DOK6: variants seen among roughly 807,000 people sequenced by gnomAD.
DOK6 encodes the protein downstream of tyrosine kinase 6.
In DOK6, 22 loss-of-function variants were observed where a neutral mutation model predicts 44.0. The observed-to-expected ratio is 0.50, with a 90% CI of 0.36 to 0.71. The LOEUF (loss-of-function observed/expected upper bound fraction) is 0.71. Among genes scored for constraint, DOK6 ranks in the 30% least tolerant of loss-of-function variants. The pLI, the probability that DOK6 is intolerant of heterozygous loss-of-function variation, is 0.00. For synonymous variants in DOK6, 166 were observed against 145.5 expected, an observed-to-expected ratio of 1.14 and a Z score of -1.01; for missense variants, 340 against 416.4, an observed-to-expected ratio of 0.82 and a Z score of 1.60.
chr18:69,775,293 A>G (rs1251553295), intron 7 of DOK6, among the ~76,000 whole-genome samples: 2 of 152,014 alleles, frequency 1.3e-5, no homozygotes, highest in Admixed American at 6.6e-5. Context: ...TGAACTCACA[A>G]AGAAGAACTG....
intron 7 of DOK6, among the ~76,000 whole-genome samples, chr18:69,798,768 TG>T (rs1980820144): frequency 6.6e-6 from 1 of 151,730 alleles, no homozygotes; most frequent in East Asian, 1.9e-4. Context: ...TAGAAATAAA[TG>T]TTCTGCATAT....
chr18:69,763,568 C>T (rs192469969), intron 7 of DOK6, among the ~76,000 whole-genome samples: 147 of 151,856 alleles, frequency 9.7e-4, no homozygotes, highest in African/African-American at 3.3e-3. Flanking sequence ...CCCTGAGGAA[C>T]AATCATTTAA....
chr18:69,612,428 C>G (rs1568311239), intron 3 of DOK6, among the ~76,000 whole-genome samples: 1 of 150,558 alleles, frequency 6.6e-6, no homozygotes, highest in African/African-American at 2.4e-5. Flanking sequence ...TGTGCGAGGG[C>G]GCATGTGTGC....
chr18:69,639,486 C>T (rs17777598), intron 3 of DOK6, among the ~76,000 whole-genome samples: 10,631 of 152,218 alleles, frequency 0.07, 428 homozygotes, highest in Admixed American at 0.1. Context: ...TAAAGTCTTT[C>T]CCAGTTTTCC....
intron 1 of DOK6, among the ~76,000 whole-genome samples, chr18:69,455,583 G>C (rs1055993458): frequency 3.3e-4 from 50 of 152,138 alleles, no homozygotes; most frequent in African/African-American, 1.1e-3. Flanking sequence ...CATTGAAATT[G>C]TGTGGAGTCA....
intron 3 of DOK6, among the ~76,000 whole-genome samples, chr18:69,663,866 C>A (rs533365630): frequency 6.6e-4 from 100 of 152,172 alleles, no homozygotes; most frequent in African/African-American, 2.3e-3. Context: ...CAAGTGGTAG[C>A]TTTAGAGGGC....
At chr18:69,659,833 T>TAG (rs1239100373) in intron 3 of DOK6, 1 of 57,692 alleles carries the variant, frequency 1.7e-5, no homozygotes, top group Non-Finnish European at 3.7e-5. Flanking sequence ...TATATATATA[T>TAG]ATAACATATA....
At chr18:69,556,433 T>G (rs17775027) in intron 1 of DOK6, among the ~76,000 whole-genome samples, 5,531 of 152,148 alleles carry the variant, frequency 0.036, 100 homozygotes, top group South Asian at 0.044. Flanking sequence ...TGTTCCCTTC[T>G]CCATCCTTGT....
intron 3 of DOK6, among the ~76,000 whole-genome samples, chr18:69,602,666 A>C (rs1401784859): frequency 6.6e-6 from 1 of 152,232 alleles, no homozygotes; most frequent in East Asian, 1.9e-4. Context: ...GATATAGGCT[A>C]TATAGGAACT....
intron 1 of DOK6, among the ~76,000 whole-genome samples, chr18:69,406,201 A>G (rs1197681037): frequency 1.3e-5 from 2 of 152,184 alleles, no homozygotes; most frequent in Non-Finnish European, 2.9e-5. Flanking sequence ...GTAAGCAAAG[A>G]TCTTATATAT....
chr18:69,515,972 CTG>C (rs1448990727), intron 1 of DOK6, among the ~76,000 whole-genome samples: 1 of 152,206 alleles, frequency 6.6e-6, no homozygotes, highest in African/African-American at 2.4e-5. Context: ...GATATTCACA[CTG>C]TTTTGATTTC....
rs995634411 is a variant in DOK6 at position 69,510,522 on chromosome 18, A to G, written c.67-53965A>G. 2.8e-5 allele frequency among the ~76,000 whole-genome samples: 4 copies of G among 141,882 alleles called. No homozygotes were observed. The South Asian group carries it at 8.5e-4, about 30-fold the overall frequency. 93.1% of individuals were successfully genotyped at this position (141,882 alleles called of 152,430 possible). A position where few individuals can be genotyped will look rare whatever the true frequency, so the allele number is the denominator to read the frequency against. On this transcript the variant is annotated intron_variant, in intron 1 of 7. Transcript: ENST00000382713. Reference sequence around the variant, plus strand: ...GTTGTTTAGCTTATTACATTTAAATACCAAACAGAGCGCCAAATGTTTTTA... The same window carrying G: ...GTTGTTTAGCTTATTACATTTAAATGCCAAACAGAGCGCCAAATGTTTTTA...
intron 1 of DOK6, among the ~76,000 whole-genome samples, chr18:69,518,322 GCT>G (rs1233897798): frequency 1.3e-5 from 2 of 150,138 alleles, no homozygotes; most frequent in Non-Finnish European, 3.0e-5. Context: ...TCCTTCTTCT[GCT>G]CTTTCCTTTT....
At chr18:69,433,314 A>C (rs1178121331) in intron 1 of DOK6, among the ~76,000 whole-genome samples, 1 of 152,178 alleles carries the variant, frequency 6.6e-6, no homozygotes, top group East Asian at 1.9e-4. Context: ...CTGAGAACCA[A>C]TGTAATATGT....
At chr18:69,596,342 T>C (rs1203086029) in intron 2 of DOK6, among the ~76,000 whole-genome samples, 2 of 152,084 alleles carry the variant, frequency 1.3e-5, no homozygotes. Context: ...GAGTGAAAGG[T>C]AGTCCTGATT....
intron 1 of DOK6, among the ~76,000 whole-genome samples, chr18:69,533,654 A>C (rs921746376): frequency 4.8e-5 from 7 of 144,804 alleles, no homozygotes; most frequent in Non-Finnish European, 3.0e-5. Flanking sequence ...ACTTAAACTT[A>C]AGTTATGAGA....
At chr18:69,646,642 T>G (rs1985080610) in intron 3 of DOK6, among the ~76,000 whole-genome samples, 1 of 152,162 alleles carries the variant, frequency 6.6e-6, no homozygotes, top group Non-Finnish European at 1.5e-5. Context: ...CTAATTTTAA[T>G]TCTGTTTACT....
chr18:69,686,321 T>G (rs1280857739), intron 4 of DOK6, among the ~76,000 whole-genome samples: 1 of 152,214 alleles, frequency 6.6e-6, no homozygotes, highest in Non-Finnish European at 1.5e-5. Flanking sequence ...TTTTTAATTT[T>G]ATTAATATTT....
chr18:69,609,666 TTTCTGAG>T (rs1446507253), intron 3 of DOK6, among the ~76,000 whole-genome samples: 2 of 130,330 alleles, frequency 1.5e-5, no homozygotes, highest in African/African-American at 5.4e-5. Context: ...GGCAATCCCA[TTTCTGAG>T]TATTTATCCA....
Sources: gnomAD v4.1 joint callset for allele counts (sites outside exome capture counted in the v4.1 genomes callset) on GRCh38, gnomAD v4.1.1 for gene constraint, MANE v1.5 for transcripts, NCBI Gene and HGNC (gene_info 2026-07-23, HGNC 2026-07-21) for gene names.